MORN1: variants seen among roughly 807,000 people sequenced by gnomAD.
The protein encoded by MORN1 is MORN repeat containing 1, also known as MORN repeat-containing protein 1.
Under a neutral mutation model 61.9 loss-of-function variants are expected in MORN1, and 67 were observed. The observed-to-expected ratio is 1.08, with a 90% CI of 0.89 to 1.33. The LOEUF is 1.33. Among genes scored for constraint, MORN1 ranks in the 40% most tolerant of loss-of-function variants. The pLI is 0.00. For synonymous variants in MORN1, 301 were observed against 292.0 expected, an observed-to-expected ratio of 1.03 and a Z score of -0.31; for missense variants, 752 against 691.2, an observed-to-expected ratio of 1.09 and a Z score of -0.99.
chr1:2,384,587 G>A (rs1353978400), intron 6 of MORN1, among the ~76,000 whole-genome samples: 1 of 152,210 alleles, frequency 6.6e-6, no homozygotes, highest in Admixed American at 6.5e-5. Flanking sequence ...AGATCGCCGA[G>A]GCGCAGAGGC....
At chr1:2,374,653 C>G in intron 6 of MORN1, 96 bp from the exon 7 acceptor site, 2 of 1,041,616 alleles carry the variant, frequency 1.9e-6, no homozygotes, top group Non-Finnish European at 2.9e-6. Context: ...ACAGCAGGGC[C>G]CCAGGACCAA....
At chr1:2,390,568 C>T (rs1642625566) in intron 1 of MORN1, 1 of 985,220 alleles carries the variant, frequency 1.0e-6, no homozygotes, top group Non-Finnish European at 1.2e-6. Flanking sequence ...CTACCAGCTC[C>T]TCAGGCACAT....
At chr1:2,383,062 C>T (rs76432159) in intron 6 of MORN1, among the ~76,000 whole-genome samples, 10,015 of 152,188 alleles carry the variant, frequency 0.066, 458 homozygotes, top group South Asian at 0.23. Context: ...CCATCCCCAC[C>T]CCCAACTCCT....
chr1:2,374,414 C>T (rs780236084), intron 7 of MORN1, 47 bp downstream of exon 7: 5 of 1,514,312 alleles, frequency 3.3e-6, no homozygotes, highest in Admixed American at 3.9e-5. Context: ...CAGGGACACA[C>T]CCCACAGTGG....
chr1:2,374,440 C>A (rs778149976), intron 7 of MORN1, 21 bp downstream of exon 7: 2 of 1,562,094 alleles, frequency 1.3e-6, no homozygotes, highest in Non-Finnish European at 8.7e-7. Flanking sequence ...ACAGTGCCCA[C>A]AGGAAGGCAG....
In MORN1 at chr1:2,357,379, G is replaced by A. The variant is rs553951444; in HGVS notation, c.1036+53C>T. 172 of 1,494,782 alleles carry A rather than the reference G, an allele frequency of 1.2e-4. 6 individuals carry two copies. The South Asian group carries it at 2.2e-3, about 19-fold the overall frequency. The allele number at this position is 1,494,782 out of a possible 1,614,324, so 92.6% of individuals were successfully genotyped here. On this transcript the variant is annotated intron_variant, in intron 10 of 13. Coordinates refer to ENST00000378531, the MANE Select transcript of MORN1 (RefSeq NM_024848.3). The surrounding 1 kb of genome is among the most constrained non-coding windows in gnomAD (Gnocchi z 6.3). ...GTCCCCATGACCCCACCCCCACCTT[G>A]ACTGCTGGGCCTGGGCCCACCCACC... is the stretch of plus-strand genomic sequence containing the variant.
intron 13 of MORN1, chr1:2,322,330 G>A (rs1394438464): frequency 1.0e-6 from 1 of 985,338 alleles, no homozygotes; most frequent in African/African-American, 1.7e-5. Flanking sequence ...GCTGGCCCGG[G>A]CTCACACCAG....
At chr1:2,322,661 G>A (rs372616424) in intron 13 of MORN1, 98 of 985,158 alleles carry the variant, frequency 9.9e-5, no homozygotes, top group Non-Finnish European at 1.1e-4. Context: ...CCTCCCTGGC[G>A]GGCGGAGGAA....
chr1:2,323,746 G>T, intron 13 of MORN1: 1 of 985,368 alleles, frequency 1.0e-6, no homozygotes, highest in Non-Finnish European at 1.2e-6. Context: ...TCATGGTTCA[G>T]CCACTGTGGG....
chr1:2,348,440 G>T (rs114476429), intron 10 of MORN1, among the ~76,000 whole-genome samples: 2,430 of 152,142 alleles, frequency 0.016, 69 homozygotes, highest in African/African-American at 0.055. Context: ...CTCCATGGGG[G>T]AAGTGCCTCC....
At chr1:2,332,954 G>T (rs1167278794) in intron 12 of MORN1, among the ~76,000 whole-genome samples, 1 of 152,176 alleles carries the variant, frequency 6.6e-6, no homozygotes, top group Non-Finnish European at 1.5e-5. Flanking sequence ...TGCCTACGAG[G>T]ATGCCTCCGA....
At chr1:2,323,821 C>T (rs533207502) in intron 13 of MORN1, 1 of 985,334 alleles carries the variant, frequency 1.0e-6, no homozygotes, top group African/African-American at 1.7e-5. Context: ...CTCCCTGCCC[C>T]CGTGGCTTCC....
At chr1:2,379,155 C>T (rs942142019) in intron 6 of MORN1, 2 of 471,026 alleles carry the variant, frequency 4.2e-6, no homozygotes, top group African/African-American at 2.0e-5. Context: ...CCTCACCAAC[C>T]CTGAGCTCAT....
chr1:2,329,735 T>C (rs1641106724), intron 12 of MORN1, among the ~76,000 whole-genome samples: 1 of 152,182 alleles, frequency 6.6e-6, no homozygotes, highest in Non-Finnish European at 1.5e-5. Flanking sequence ...CACCACCGCA[T>C]CACGTGGGCC....
At chr1:2,368,384 T>C (rs536242119) in intron 8 of MORN1, among the ~76,000 whole-genome samples, 1 of 152,342 alleles carries the variant, frequency 6.6e-6, no homozygotes, top group South Asian at 2.1e-4. Flanking sequence ...CACTTTTAAC[T>C]GCGTGCAGAT....
At chr1:2,326,757 G>C (rs1433382758) in intron 12 of MORN1, 3 of 152,370 alleles carry the variant, frequency 2.0e-5, no homozygotes, top group Non-Finnish European at 4.4e-5. Context: ...GCCTGAGGCA[G>C]CAGCTGCCAC....
intron 13 of MORN1, chr1:2,322,099 C>T (rs1392227401): frequency 1.0e-6 from 1 of 985,408 alleles, no homozygotes; most frequent in Non-Finnish European, 1.2e-6. Context: ...CGCTGGGGCT[C>T]TCCGGGTGGG....
chr1:2,345,136 G>A (rs777922630), intron 10 of MORN1, among the ~76,000 whole-genome samples: 4 of 152,124 alleles, frequency 2.6e-5, no homozygotes, highest in South Asian at 2.1e-4. Flanking sequence ...CGAAGACAAC[G>A]TCAGCCCCCG....
At chr1:2,374,288 T>G (rs977250496) in intron 7 of MORN1, among the ~76,000 whole-genome samples, 173 bp downstream of exon 7, 1 of 152,236 alleles carries the variant, frequency 6.6e-6, no homozygotes, top group Non-Finnish European at 1.5e-5. Flanking sequence ...GGACCACTTT[T>G]GACATCAGAT....
Sources: allele counts gnomAD v4.1 joint callset (sites outside exome capture counted in the v4.1 genomes callset), GRCh38; gene constraint gnomAD v4.1.1; non-coding constraint Gnocchi (gnomAD v3.1); transcripts MANE v1.5; gene names NCBI Gene and HGNC (gene_info 2026-07-23, HGNC 2026-07-21).